ZNF83: variants seen among roughly 807,000 people sequenced by gnomAD.
ZNF83 encodes the protein zinc finger protein 816B.
For missense variants in ZNF83, 552 were observed against 629.9 expected (o/e 0.88, Z 1.32); for synonymous variants, 209 against 213.0 (o/e 0.98, Z 0.17).
intron 1 of ZNF83, among the ~76,000 whole-genome samples, chr19:52,637,306 C>G (rs1031131873): frequency 3.3e-5 from 5 of 152,070 alleles, no homozygotes; most frequent in Non-Finnish European, 4.4e-5. Context: ...ATATGTGGAA[C>G]CACAGATCCC....
chr19:52,628,338 C>T lies in ZNF83; in HGVS notation c.-234+6728G>A, dbSNP rs113803569. ...AGAAACATCTCACCAATTTCAAATCCGGTAAGTGGCCTCTTTTTACTCTCT... is the reference window on the plus strand; with the variant it reads ...AGAAACATCTCACCAATTTCAAATCTGGTAAGTGGCCTCTTTTTACTCTCT... On this transcript the variant is annotated intron_variant, in intron 2 of 2. Transcript: ENST00000301096. Among the ~76,000 whole-genome samples the T allele has an allele frequency of 8.8e-3, 1,343 of 152,258 alleles. 15 individuals are homozygous for T. Among genetic ancestry groups the T allele is most frequent in the African/African-American group, 0.03 (1,249 of 41,542 alleles).
exon 3 of ZNF83, chr19:52,613,264 C>T: frequency 6.2e-7 from 1 of 1,614,080 alleles, no homozygotes; most frequent in Non-Finnish European, 8.5e-7. Flanking sequence ...GACCTTCCCA[C>T]ATTCATTACA....
chr19:52,624,791 A>G (rs965918913), intron 2 of ZNF83, among the ~76,000 whole-genome samples: 1 of 152,136 alleles, frequency 6.6e-6, no homozygotes, highest in Non-Finnish European at 1.5e-5. Context: ...GAGGCCCTCA[A>G]AGTCACAAAC....
chr19:52,651,696 AAAAAAAAG>A (rs1268151250), intron 3 of ZNF83: 5 of 158,060 alleles, frequency 3.2e-5, no homozygotes, highest in South Asian at 2.0e-4. Flanking sequence ...AAAAAAAAAA[AAAAAAAAG>A]AAAGAAAGAA....
intron 2 of ZNF83, chr19:52,617,246 C>G (rs1600139169): frequency 6.6e-6 from 1 of 152,114 alleles, no homozygotes; most frequent in East Asian, 1.9e-4. Context: ...TGTTGCTGAC[C>G]ATGTCACTTG....
intron 3 of ZNF83, among the ~76,000 whole-genome samples, chr19:52,645,210 G>A (rs2061356987): frequency 6.6e-6 from 1 of 152,084 alleles, no homozygotes; most frequent in African/African-American, 2.4e-5. Context: ...ACACTTTGAT[G>A]TTACGGTAAA....
At chr19:52,620,606 A>C (rs1477605048) in intron 2 of ZNF83, among the ~76,000 whole-genome samples, 3 of 152,172 alleles carry the variant, frequency 2.0e-5, no homozygotes, top group African/African-American at 7.2e-5. Context: ...AGAACATGTT[A>C]ATTTTCACAA....
Position 52,644,788 on chromosome 19 carries a change from G to A in ZNF83, c.-73-9635C>T, listed in dbSNP as rs186751975. ...GCAGCTTTTTGGGAGGTCGAGGCAG[G>A]TGGAGGTCTCAGGAGTTTGAGACCA... On this transcript the variant is annotated intron_variant, in intron 3 of 5. Transcript: ENST00000594682. Among the ~76,000 whole-genome samples the A allele has an allele frequency of 8.2e-4, 125 of 151,894 alleles. 2 individuals are homozygous for A. The highest frequency in any genetic ancestry group is 1.8e-4 in the Non-Finnish European group (12 of 67,830).
At chr19:52,646,813 T>C (rs2061378048) in intron 3 of ZNF83, among the ~76,000 whole-genome samples, 1 of 152,252 alleles carries the variant, frequency 6.6e-6, no homozygotes, top group South Asian at 2.1e-4. Flanking sequence ...TGTCTGTATT[T>C]AGCAAACTCT....
At chr19:52,613,418 T>C in exon 3 of ZNF83, 2 of 1,613,756 alleles carry the variant, frequency 1.2e-6, no homozygotes, top group Non-Finnish European at 1.7e-6. Context: ...GAATTTTGAC[T>C]GAATGCTTTG....
chr19:52,661,532 A>G (rs896622461), intron 1 of ZNF83, among the ~76,000 whole-genome samples: 1 of 152,194 alleles, frequency 6.6e-6, no homozygotes, highest in Non-Finnish European at 1.5e-5. Context: ...CACCAGCGCC[A>G]TCGTATTATT....
intron 1 of ZNF83, among the ~76,000 whole-genome samples, chr19:52,637,526 CT>C (rs1018010412): frequency 6.6e-6 from 1 of 151,694 alleles, no homozygotes; most frequent in East Asian, 1.9e-4. Context: ...CTCCTGCTTT[CT>C]TTTTTTTTCT....
At chr19:52,634,870 C>T (rs887734393) in intron 2 of ZNF83, among the ~76,000 whole-genome samples, 196 bp downstream of exon 2, 1 of 152,276 alleles carries the variant, frequency 6.6e-6, no homozygotes, top group East Asian at 1.9e-4. Flanking sequence ...AGTGCAGCCT[C>T]TTCCCAAGTT....
At chr19:52,683,528 A>ACCCTCACTCTG (rs1216197668) in intron 1 of ZNF83, among the ~76,000 whole-genome samples, 31,582 of 66,222 alleles carry the variant, frequency 0.48, 8,733 homozygotes, top group African/African-American at 0.7. Context: ...ATCCAAAGGG[A>ACCCTCACTCTG]AGGGCAAAGT....
At chr19:52,642,443 T>C (rs2061320585), upstream of ZNF83, among the ~76,000 whole-genome samples, 1 of 151,820 alleles carries the variant, frequency 6.6e-6, no homozygotes, top group Non-Finnish European at 1.5e-5. Flanking sequence ...TAATTTTGTA[T>C]TTTTAGTAAA....
intron 2 of ZNF83, among the ~76,000 whole-genome samples, chr19:52,657,056 A>C (rs2061515488): frequency 1.3e-5 from 2 of 151,912 alleles, no homozygotes; most frequent in African/African-American, 4.8e-5. Flanking sequence ...GCAGAGTTTG[A>C]AGTGATCCAA....
chr19:52,625,842 C>A (rs1207851172), intron 2 of ZNF83, among the ~76,000 whole-genome samples: 2 of 152,136 alleles, frequency 1.3e-5, no homozygotes, highest in African/African-American at 4.8e-5. Context: ...CACAGTTACC[C>A]CATCAGTCCC....
At chr19:52,689,142 G>A (rs1304476663) in intron 1 of ZNF83, among the ~76,000 whole-genome samples, 1 of 152,108 alleles carries the variant, frequency 6.6e-6, no homozygotes, top group Non-Finnish European at 1.5e-5. Context: ...ACCTGTCACT[G>A]TATAATTAAC....
At chr19:52,644,076 C>G (rs1298957860) in intron 3 of ZNF83, among the ~76,000 whole-genome samples, 1 of 152,070 alleles carries the variant, frequency 6.6e-6, no homozygotes, top group Admixed American at 6.5e-5. Context: ...CTGCCAGGGA[C>G]TGACATGACC....
Sources: allele counts gnomAD v4.1 joint callset (sites outside exome capture counted in the v4.1 genomes callset), GRCh38; gene constraint gnomAD v4.1.1; transcripts MANE v1.5; gene names NCBI Gene and HGNC (gene_info 2026-07-23, HGNC 2026-07-21).